TMEM272: variants seen among roughly 807,000 people sequenced by gnomAD.
TMEM272 encodes long intergenic non-protein coding RNA 282.
In TMEM272, 8 loss-of-function variants were observed where a neutral mutation model predicts 3.7. That is an observed-to-expected ratio of 2.17 (90% CI 1.27 to 3.91). TMEM272 has a LOEUF of 3.91. Ranked by LOEUF, TMEM272 falls within the 30% of genes most tolerant of loss-of-function variation. The pLI, the probability that TMEM272 is intolerant of heterozygous loss-of-function variation, is 0.00. For synonymous variants in TMEM272, 63 were observed against 39.8 expected (o/e 1.58, Z -2.20); for missense variants, 166 against 91.5 (o/e 1.81, Z -3.32).
At chr13:51,824,927 T>C (rs1175303931) in intron 3 of TMEM272, among the ~76,000 whole-genome samples, 2 of 152,174 alleles carry the variant, frequency 1.3e-5, no homozygotes, top group African/African-American at 4.8e-5. Context: ...CACTCCGGCC[T>C]GGGCGACAGA....
the TMEM272 span, among the ~76,000 whole-genome samples, chr13:51,901,915 G>C: frequency 6.6e-6 from 1 of 152,182 alleles, no homozygotes; most frequent in Admixed American, 6.5e-5. Context: ...ACCCAGTCCA[G>C]AGCAAAAACG....
intron 2 of TMEM272, among the ~76,000 whole-genome samples, chr13:51,831,566 G>C (rs368372614): frequency 6.6e-6 from 1 of 152,346 alleles, no homozygotes; most frequent in African/African-American, 2.4e-5. Context: ...GATCCACTGG[G>C]ATGGAAATCA....
At chr13:51,901,027 G>A in the TMEM272 span, among the ~76,000 whole-genome samples, 1 of 152,210 alleles carries the variant, frequency 6.6e-6, no homozygotes, top group African/African-American at 2.4e-5. Context: ...GTTCTAAAAT[G>A]TTAAAGTGGT....
the TMEM272 span, among the ~76,000 whole-genome samples, chr13:51,863,187 G>A: frequency 1.3e-5 from 2 of 152,354 alleles, no homozygotes; most frequent in Admixed American, 6.5e-5. Context: ...AATAGAGCCC[G>A]TTAATACTGG....
At chr13:51,889,630 GT>G in the TMEM272 span, among the ~76,000 whole-genome samples, 1 of 150,154 alleles carries the variant, frequency 6.7e-6, no homozygotes, top group African/African-American at 2.5e-5. Flanking sequence ...TTTTTTGTGT[GT>G]GTGTGGGGGG....
At chr13:51,907,739 C>CAA in the TMEM272 span, among the ~76,000 whole-genome samples, 1 of 152,238 alleles carries the variant, frequency 6.6e-6, no homozygotes, top group African/African-American at 2.4e-5. Context: ...CTGTGAGTAA[C>CAA]AAACCATCTT....
At chr13:51,860,490 T>C in the TMEM272 span, among the ~76,000 whole-genome samples, 1 of 151,770 alleles carries the variant, frequency 6.6e-6, no homozygotes. Flanking sequence ...ACACAAAAAA[T>C]TAGCTAGGTC....
At chr13:51,848,088 A>C (rs1956315193), upstream of TMEM272, among the ~76,000 whole-genome samples, 1 of 152,196 alleles carries the variant, frequency 6.6e-6, no homozygotes, top group Non-Finnish European at 1.5e-5. Context: ...AAAACGGGGA[A>C]TCTGATATGG....
upstream of TMEM272, among the ~76,000 whole-genome samples, chr13:51,849,958 G>A (rs756363306): frequency 1.3e-5 from 2 of 152,172 alleles, no homozygotes; most frequent in African/African-American, 4.8e-5. Context: ...GCTCATGCCC[G>A]TGACCGAGCA....
the TMEM272 span, chr13:51,908,818 T>A: frequency 2.8e-6 from 4 of 1,438,170 alleles, no homozygotes; most frequent in South Asian, 4.6e-5. Flanking sequence ...GGAAACATCA[T>A]CCTACGGTCC....
chr13:51,856,407 A>C, the TMEM272 span, among the ~76,000 whole-genome samples: 1 of 152,150 alleles, frequency 6.6e-6, no homozygotes, highest in African/African-American at 2.4e-5. Context: ...CCATAATCCT[A>C]ATCTTGTGGC....
the TMEM272 span, among the ~76,000 whole-genome samples, chr13:51,900,877 G>A: frequency 2.6e-5 from 4 of 152,160 alleles, no homozygotes; most frequent in South Asian, 2.1e-4. Context: ...AAAGCCACAC[G>A]TTTTATGGTT....
chr13:51,874,590 G>A, the TMEM272 span, among the ~76,000 whole-genome samples: 2 of 152,152 alleles, frequency 1.3e-5, no homozygotes, highest in African/African-American at 4.8e-5. Flanking sequence ...TTTGTATCCA[G>A]GCCTTATAAC....
chr13:51,921,284 A>G, the TMEM272 span: 2 of 152,360 alleles, frequency 1.3e-5, no homozygotes, highest in South Asian at 4.1e-4. Flanking sequence ...CTCTCAATCC[A>G]TAAACCTGGG....
At chr13:51,859,747 G>A in the TMEM272 span, among the ~76,000 whole-genome samples, 1 of 152,130 alleles carries the variant, frequency 6.6e-6, no homozygotes, top group African/African-American at 2.4e-5. Flanking sequence ...CAAAACTTGG[G>A]AGTGGAAATC....
chr13:51,855,723 C>T, the TMEM272 span, among the ~76,000 whole-genome samples: 1 of 151,930 alleles, frequency 6.6e-6, no homozygotes, highest in African/African-American at 2.4e-5. Context: ...AATATACAGA[C>T]TAAAGCAGAG....
chr13:51,818,099 C>A (rs1299088251), intron 4 of TMEM272, among the ~76,000 whole-genome samples: 3 of 152,150 alleles, frequency 2.0e-5, no homozygotes, highest in Non-Finnish European at 4.4e-5. Flanking sequence ...CTAGGCTACC[C>A]ATCTCTCCCG....
the TMEM272 span, among the ~76,000 whole-genome samples, chr13:51,914,415 G>A: frequency 6.6e-6 from 1 of 152,240 alleles, no homozygotes; most frequent in Admixed American, 6.5e-5. Flanking sequence ...CAATGGAAAC[G>A]CCAGTGTTCT....
chr13:51,908,311 GGGGGT>G, the TMEM272 span: 26 of 1,233,758 alleles, frequency 2.1e-5, 1 homozygote, highest in African/African-American at 1.7e-4. Context: ...ATGTGGGGGT[GGGGGT>G]GGGGGCAAAA....
Sources: gnomAD v4.1 joint callset for allele counts (sites outside exome capture counted in the v4.1 genomes callset) on GRCh38, gnomAD v4.1.1 for gene constraint, MANE v1.5 for transcripts, NCBI Gene and HGNC (gene_info 2026-07-23, HGNC 2026-07-21) for gene names.